LRRC72: variants seen among roughly 807,000 people sequenced by gnomAD.
LRRC72 encodes the protein leucine rich repeat containing 72.
Under a neutral mutation model 35.8 loss-of-function variants are expected in LRRC72, and 41 were observed. That is an observed-to-expected ratio of 1.15 (90% CI 0.89 to 1.49). The LOEUF is 1.49. LRRC72 is among the 40% of genes most tolerant of loss of function. The pLI is 0.00. For missense variants in LRRC72, 389 were observed against 330.7 expected, an observed-to-expected ratio of 1.18 and a Z score of -1.37; for synonymous variants, 118 against 119.2, an observed-to-expected ratio of 0.99 and a Z score of 0.07.
At chr7:16,547,706 A>G (rs1469432400) in intron 3 of LRRC72, among the ~76,000 whole-genome samples, 1 of 152,228 alleles carries the variant, frequency 6.6e-6, no homozygotes, top group Non-Finnish European at 1.5e-5. Flanking sequence ...CAATGCTGGT[A>G]TGCCAGCCCC....
chr7:16,579,874 A>T (rs1034697412), intron 7 of LRRC72, among the ~76,000 whole-genome samples, 200 bp from the exon 8 acceptor site: 3 of 152,188 alleles, frequency 2.0e-5, no homozygotes, highest in African/African-American at 7.2e-5. Context: ...ACCTAAGGCA[A>T]AACCCACTAT....
chr7:16,544,483 C>T (rs1160119183), intron 3 of LRRC72, among the ~76,000 whole-genome samples: 1 of 152,118 alleles, frequency 6.6e-6, no homozygotes. Context: ...GAGGCAGCTG[C>T]TCTTAGGTCT....
At chr7:16,575,670 G>C (rs1371018270) in intron 7 of LRRC72, among the ~76,000 whole-genome samples, 1 of 152,162 alleles carries the variant, frequency 6.6e-6, no homozygotes, top group Non-Finnish European at 1.5e-5. Flanking sequence ...TTGAACTATT[G>C]TGTTAATCAG....
intron 3 of LRRC72, among the ~76,000 whole-genome samples, chr7:16,540,136 G>A (rs1428489586): frequency 1.3e-5 from 2 of 152,206 alleles, no homozygotes; most frequent in Non-Finnish European, 2.9e-5. Flanking sequence ...TGTGGGGGTT[G>A]TACCCTGAAA....
chr7:16,559,118 G>T, intron 5 of LRRC72, 119 bp downstream of exon 5: 1 of 581,404 alleles, frequency 1.7e-6, no homozygotes. Context: ...TTTAGGCTGG[G>T]CACTGTGACT....
At chr7:16,529,686 G>C (rs781508700) in intron 1 of LRRC72, among the ~76,000 whole-genome samples, 33 of 152,122 alleles carry the variant, frequency 2.2e-4, no homozygotes, top group Admixed American at 3.3e-4. Flanking sequence ...TTATTGATTG[G>C]AAAGAAACAT....
intron 4 of LRRC72, among the ~76,000 whole-genome samples, chr7:16,558,494 C>CA (rs1290812807): frequency 1.3e-5 from 2 of 152,082 alleles, no homozygotes; most frequent in African/African-American, 4.8e-5. Context: ...CCTGTAATCT[C>CA]AGCTACGTGG....
intron 5 of LRRC72, among the ~76,000 whole-genome samples, chr7:16,560,953 G>T (rs1782735012): frequency 6.6e-6 from 1 of 151,984 alleles, no homozygotes; most frequent in Non-Finnish European, 1.5e-5. Flanking sequence ...AGCATCCTAT[G>T]ATGTGATTAG....
chr7:16,578,445 G>A (rs951555414), intron 7 of LRRC72, among the ~76,000 whole-genome samples: 2 of 152,164 alleles, frequency 1.3e-5, no homozygotes, highest in Non-Finnish European at 2.9e-5. Context: ...AGCCGAGATC[G>A]TGCCACTGCA....
chr7:16,563,087 C>T (rs1370142022), intron 5 of LRRC72, among the ~76,000 whole-genome samples: 1 of 152,166 alleles, frequency 6.6e-6, no homozygotes, highest in Non-Finnish European at 1.5e-5. Context: ...AGGCCGTTCT[C>T]TATAGGCTTT....
intron 3 of LRRC72, among the ~76,000 whole-genome samples, chr7:16,552,581 A>G (rs1401744870): frequency 6.6e-6 from 1 of 152,234 alleles, no homozygotes; most frequent in Non-Finnish European, 1.5e-5. Context: ...ATTGGTAACC[A>G]TATGAATCTA....
At chr7:16,557,861 C>G (rs1782677201) in intron 4 of LRRC72, among the ~76,000 whole-genome samples, 1 of 152,154 alleles carries the variant, frequency 6.6e-6, no homozygotes, top group African/African-American at 2.4e-5. Flanking sequence ...CTGATCATTT[C>G]AAGCCAGTTA....
At chr7:16,560,605 C>G (rs903772661) in intron 5 of LRRC72, among the ~76,000 whole-genome samples, 1 of 151,904 alleles carries the variant, frequency 6.6e-6, no homozygotes, top group African/African-American at 2.4e-5. Context: ...TATGCTAGAC[C>G]TAGAACACTT....
chr7:16,552,840 TTAGTA>T (rs1347037472), intron 3 of LRRC72, among the ~76,000 whole-genome samples: 1 of 152,212 alleles, frequency 6.6e-6, no homozygotes, highest in Admixed American at 6.5e-5. Context: ...GTCCTGAACG[TTAGTA>T]AAGTGCAGTG....
chr7:16,578,048 G>T (rs755088057), intron 7 of LRRC72, among the ~76,000 whole-genome samples: 9 of 152,128 alleles, frequency 5.9e-5, no homozygotes, highest in Non-Finnish European at 8.8e-5. Context: ...TGCACATATG[G>T]ACAAAGAAAA....
At chr7:16,545,565 G>A (rs539757673) in intron 3 of LRRC72, among the ~76,000 whole-genome samples, 1 of 151,998 alleles carries the variant, frequency 6.6e-6, no homozygotes, top group South Asian at 2.1e-4. Context: ...ACTATTTAGA[G>A]CAGTACAAAC....
intron 3 of LRRC72, among the ~76,000 whole-genome samples, chr7:16,551,040 T>C (rs1782539348): frequency 6.6e-6 from 1 of 152,140 alleles, no homozygotes. Context: ...CCTCAGAATG[T>C]GGCTGTATGT....
At chr7:16,547,792 T>G (rs1782474419) in intron 3 of LRRC72, among the ~76,000 whole-genome samples, 1 of 152,204 alleles carries the variant, frequency 6.6e-6, no homozygotes, top group Admixed American at 6.5e-5. Context: ...TGAAGGCAGC[T>G]CGGCACTGGC....
chr7:16,559,936 CTT>C (rs529101038), intron 5 of LRRC72, among the ~76,000 whole-genome samples: 114 of 150,552 alleles, frequency 7.6e-4, no homozygotes, highest in Middle Eastern at 3.5e-3. Context: ...GCCCAGCAAA[CTT>C]TATTCATATA....
Sources: allele counts gnomAD v4.1 joint callset (sites outside exome capture counted in the v4.1 genomes callset), GRCh38; gene constraint gnomAD v4.1.1; transcripts MANE v1.5; gene names NCBI Gene and HGNC (gene_info 2026-07-23, HGNC 2026-07-21).